PCDH9: variants seen among roughly 807,000 people sequenced by gnomAD.
PCDH9 encodes the protein protocadherin 9, also known as protocadherin-9.
A neutral mutation model predicts 70.6 loss-of-function variants in PCDH9; 24 were observed. The ratio of observed to expected loss-of-function variants is 0.34; its 90% confidence interval spans 0.25 to 0.48. The LOEUF (loss-of-function observed/expected upper bound fraction) is 0.48, where lower values mean the gene tolerates loss of function less well. Ranked by LOEUF, PCDH9 falls within the 20% of genes least tolerant of loss-of-function variation. The pLI, the probability that PCDH9 is intolerant of heterozygous loss-of-function variation, is 0.99. For missense variants in PCDH9, 1,281 were observed against 1,503.6 expected, an observed-to-expected ratio of 0.85 and a Z score of 2.45; for synonymous variants, 562 against 558.5, an observed-to-expected ratio of 1.01 and a Z score of -0.09.
In PCDH9 at chr13:66,623,525, AAC is replaced by A. The variant is rs754800048; in HGVS notation, c.3340+7683_3340+7684del. 2.7e-3 allele frequency among the ~76,000 whole-genome samples: 406 copies of A among 152,300 alleles called. 1 individual carries two copies. Among genetic ancestry groups the A allele is most frequent in the Middle Eastern group, 6.8e-3 (2 of 294 alleles). On this transcript the variant is annotated intron_variant, in intron 4 of 4. Transcript: ENST00000377865. ...ACGATCATAGCTTACTGCAAGCTCA[AAC>A]TCCAAGGCTCAGGCAATCCCCCCAC...
chr13:67,052,906 T>C (rs1313941356), intron 2 of PCDH9, among the ~76,000 whole-genome samples: 2 of 152,022 alleles, frequency 1.3e-5, no homozygotes, highest in Non-Finnish European at 2.9e-5. Context: ...AAAGAATGAA[T>C]TTGATGTGCT....
chr13:66,751,708 C>A (rs1167224879), intron 3 of PCDH9, among the ~76,000 whole-genome samples: 1 of 152,130 alleles, frequency 6.6e-6, no homozygotes, highest in African/African-American at 2.4e-5. Flanking sequence ...CCCCTTTTAA[C>A]CTTTCAAATG....
chr13:66,841,722 T>C (rs2081119792), intron 3 of PCDH9, among the ~76,000 whole-genome samples: 2 of 152,326 alleles, frequency 1.3e-5, no homozygotes, highest in Non-Finnish European at 2.9e-5. Flanking sequence ...TTGACAAATG[T>C]TAATGGAAAC....
intron 2 of PCDH9, among the ~76,000 whole-genome samples, chr13:66,952,801 C>T (rs1318861896): frequency 2.0e-5 from 3 of 151,970 alleles, no homozygotes; most frequent in Non-Finnish European, 4.4e-5. Flanking sequence ...AGCAGGGGCA[C>T]GGAACTTAGG....
At chr13:66,320,816 C>A (rs1593794041) in intron 4 of PCDH9, among the ~76,000 whole-genome samples, 1 of 151,968 alleles carries the variant, frequency 6.6e-6, no homozygotes, top group Non-Finnish European at 1.5e-5. Context: ...TCCGAAGCCT[C>A]ATTGATTAAA....
intron 3 of PCDH9, among the ~76,000 whole-genome samples, chr13:66,776,776 C>A (rs1271634440): frequency 6.7e-6 from 1 of 149,672 alleles, no homozygotes; most frequent in Non-Finnish European, 1.5e-5. Context: ...TTGGAAAAAA[C>A]TACTTTAAAG....
chr13:66,574,088 C>T (rs914963941), intron 4 of PCDH9, among the ~76,000 whole-genome samples: 1 of 152,166 alleles, frequency 6.6e-6, no homozygotes, highest in Non-Finnish European at 1.5e-5. Flanking sequence ...TACTTGCCTA[C>T]GGCAAAGCTG....
At chr13:66,997,334 C>T (rs138046779) in intron 2 of PCDH9, among the ~76,000 whole-genome samples, 34 of 152,118 alleles carry the variant, frequency 2.2e-4, no homozygotes, top group African/African-American at 8.0e-4. Context: ...ATGGCAAGGG[C>T]AGGAGCAAGA....
intron 4 of PCDH9, among the ~76,000 whole-genome samples, chr13:66,408,540 A>T (rs912394386): frequency 6.6e-6 from 1 of 152,244 alleles, no homozygotes; most frequent in Non-Finnish European, 1.5e-5. Flanking sequence ...ACATAATTAC[A>T]GTCTTTGGTT....
At chr13:66,590,169 G>T (rs2077020304) in intron 4 of PCDH9, among the ~76,000 whole-genome samples, 1 of 151,858 alleles carries the variant, frequency 6.6e-6, no homozygotes, top group Non-Finnish European at 1.5e-5. Context: ...ATGTAAATTT[G>T]TTTCATGTTG....
At chr13:67,115,118 C>A (rs532413266) in intron 2 of PCDH9, among the ~76,000 whole-genome samples, 1 of 152,162 alleles carries the variant, frequency 6.6e-6, no homozygotes, top group Admixed American at 6.5e-5. Context: ...ACACGCTAAT[C>A]TCCCAATGCT....
intron 3 of PCDH9, among the ~76,000 whole-genome samples, chr13:66,674,752 G>A (rs2078220675): frequency 6.6e-6 from 1 of 151,926 alleles, no homozygotes; most frequent in Non-Finnish European, 1.5e-5. Context: ...ATGTAATTCA[G>A]TTTCATCTAA....
At chr13:66,822,085 C>T (rs2080720724) in intron 3 of PCDH9, among the ~76,000 whole-genome samples, 1 of 151,686 alleles carries the variant, frequency 6.6e-6, no homozygotes, top group Non-Finnish European at 1.5e-5. Flanking sequence ...CCTTGACTTT[C>T]CATTCTTCAA....
chr13:66,932,725 TTA>T (rs2082837055), intron 2 of PCDH9, among the ~76,000 whole-genome samples: 1 of 147,732 alleles, frequency 6.8e-6, no homozygotes, highest in Non-Finnish European at 1.5e-5. Context: ...ACATATGTAT[TTA>T]TATGTGTATA....
intron 4 of PCDH9, among the ~76,000 whole-genome samples, chr13:66,543,324 A>C (rs1196596259): frequency 1.3e-5 from 2 of 152,154 alleles, no homozygotes; most frequent in Non-Finnish European, 2.9e-5. Context: ...TAATCCCAGG[A>C]CTTTGGGAGG....
intron 4 of PCDH9, among the ~76,000 whole-genome samples, chr13:66,606,774 T>G (rs1250323718): frequency 1.3e-5 from 2 of 152,072 alleles, no homozygotes; most frequent in African/African-American, 4.8e-5. Flanking sequence ...CAGGTAGTCC[T>G]CCTAGATTGA....
intron 4 of PCDH9, among the ~76,000 whole-genome samples, chr13:66,448,247 T>C (rs1958136051): frequency 6.6e-6 from 1 of 152,208 alleles, no homozygotes; most frequent in Non-Finnish European, 1.5e-5. Flanking sequence ...TTGGAAATTT[T>C]GTATTTTTGA....
chr13:66,688,096 C>T (rs1251030032), intron 3 of PCDH9, among the ~76,000 whole-genome samples: 6 of 152,060 alleles, frequency 3.9e-5, no homozygotes, highest in Non-Finnish European at 5.9e-5. Context: ...AACACTTCCT[C>T]TTCTATACAC....
intron 4 of PCDH9, among the ~76,000 whole-genome samples, chr13:66,588,935 GAA>G (rs980310713): frequency 6.6e-6 from 1 of 151,814 alleles, no homozygotes; most frequent in Non-Finnish European, 1.5e-5. Flanking sequence ...AGAAAAAAGT[GAA>G]GTTTTAAGTT....
Sources: allele counts gnomAD v4.1 joint callset (sites outside exome capture counted in the v4.1 genomes callset), GRCh38; gene constraint gnomAD v4.1.1; transcripts MANE v1.5; gene names NCBI Gene and HGNC (gene_info 2026-07-23, HGNC 2026-07-21).